Variants in GARIN1A observed in about 807,000 individuals in gnomAD.
GARIN1A encodes Golgi-associated RAB2 interactor protein 1A.
chr7:128,697,585 C>G, the GARIN1A span: 1 of 152,902 alleles, frequency 6.5e-6, no homozygotes, highest in Non-Finnish European at 1.5e-5. Flanking sequence ...CTCTCTTTCC[C>G]CCTTTTGTCG....
the GARIN1A span, among the ~76,000 whole-genome samples, chr7:128,678,351 A>G: frequency 6.6e-6 from 1 of 152,152 alleles, no homozygotes; most frequent in Non-Finnish European, 1.5e-5. Context: ...AATAATGCTA[A>G]AACAAGCATT....
the GARIN1A span, among the ~76,000 whole-genome samples, chr7:128,702,542 G>A: frequency 1.3e-5 from 2 of 152,044 alleles, no homozygotes; most frequent in South Asian, 4.2e-4. Context: ...TTATAAATAT[G>A]AGATATATGT....
chr7:128,703,908 C>T, the GARIN1A span, among the ~76,000 whole-genome samples: 9 of 152,184 alleles, frequency 5.9e-5, no homozygotes, highest in African/African-American at 2.2e-4. Flanking sequence ...AGAGGTGACT[C>T]GACGTTGGAG....
At chr7:128,698,996 T>C in the GARIN1A span, among the ~76,000 whole-genome samples, 6 of 152,310 alleles carry the variant, frequency 3.9e-5, no homozygotes, top group South Asian at 1.2e-3. Flanking sequence ...ACTTATTGAC[T>C]TCTCGTGAGG....
the GARIN1A span, chr7:128,683,621 C>T: frequency 6.6e-5 from 10 of 152,180 alleles, no homozygotes; most frequent in Admixed American, 1.3e-4. Flanking sequence ...CAGGCACACA[C>T]TACACCTGGC....
chr7:128,688,081 G>A, the GARIN1A span, among the ~76,000 whole-genome samples: 3 of 151,214 alleles, frequency 2.0e-5, no homozygotes, highest in Non-Finnish European at 4.4e-5. Flanking sequence ...CAGTGATCTC[G>A]GCTCACTGCA....
chr7:128,688,428 T>A, the GARIN1A span, among the ~76,000 whole-genome samples: 3 of 152,202 alleles, frequency 2.0e-5, no homozygotes, highest in African/African-American at 7.2e-5. Flanking sequence ...ATAACATACA[T>A]CACTGCAAAG....
At chr7:128,677,586 G>A in the GARIN1A span, 2 of 1,610,898 alleles carry the variant, frequency 1.2e-6, no homozygotes, top group African/African-American at 1.3e-5. Flanking sequence ...GAAGTACGTG[G>A]AGCTACGAAT....
chr7:128,684,614 C>CA, the GARIN1A span: 16,581 of 92,002 alleles, frequency 0.18, 1,599 homozygotes, highest in Non-Finnish European at 0.24. Flanking sequence ...GACTCCATCT[C>CA]AAAAAAAAAA....
chr7:128,707,281 G>A, the GARIN1A span, among the ~76,000 whole-genome samples: 11 of 150,786 alleles, frequency 7.3e-5, no homozygotes, highest in South Asian at 2.3e-3. Flanking sequence ...CTACCCTCTT[G>A]GGAAATTTTA....
chr7:128,681,501 CT>C, the GARIN1A span, among the ~76,000 whole-genome samples: 1 of 139,148 alleles, frequency 7.2e-6, no homozygotes, highest in Non-Finnish European at 1.5e-5. Context: ...CTCTCCTCTC[CT>C]TTCCTCTCCT....
the GARIN1A span, chr7:128,683,328 C>T: frequency 3.6e-6 from 2 of 555,406 alleles, no homozygotes; most frequent in South Asian, 2.8e-5. Flanking sequence ...CTAATTTTTG[C>T]AGGTTGGGCT....
chr7:128,675,827 A>C, the GARIN1A span: 1 of 1,613,024 alleles, frequency 6.2e-7, no homozygotes, highest in East Asian at 2.2e-5. Flanking sequence ...CCTGGAGCAC[A>C]CCTGGTGACG....
chr7:128,700,284 GTT>G, the GARIN1A span, among the ~76,000 whole-genome samples: 1 of 134,632 alleles, frequency 7.4e-6, no homozygotes. Flanking sequence ...TTTGTATTTT[GTT>G]TTTTTTTTTT....
chr7:128,671,730 G>A, the GARIN1A span, among the ~76,000 whole-genome samples: 17 of 151,398 alleles, frequency 1.1e-4, no homozygotes, highest in Admixed American at 7.2e-4. Context: ...ACCAGCTCTC[G>A]TGACCTGTTT....
chr7:128,677,541 G>A, the GARIN1A span: 1 of 1,518,634 alleles, frequency 6.6e-7, no homozygotes, highest in Non-Finnish European at 8.8e-7. Context: ...GCTCTCCCAT[G>A]GAAATGTCCT....
the GARIN1A span, among the ~76,000 whole-genome samples, chr7:128,694,639 A>G: frequency 2.6e-5 from 4 of 152,196 alleles, no homozygotes; most frequent in Non-Finnish European, 5.9e-5. Context: ...GGACAATTCT[A>G]TAAGGGGTAC....
chr7:128,699,262 C>CCT, the GARIN1A span, among the ~76,000 whole-genome samples: 1 of 16,514 alleles, frequency 6.1e-5, no homozygotes, highest in African/African-American at 2.8e-4. Flanking sequence ...TACCTGCTGC[C>CCT]CCCCCCCCCC....
chr7:128,694,832 T>C, the GARIN1A span, among the ~76,000 whole-genome samples: 16 of 152,218 alleles, frequency 1.1e-4, no homozygotes, highest in African/African-American at 3.9e-4. Context: ...GGCATAAATA[T>C]AGTCACTCAA....
Sources: allele counts gnomAD v4.1 joint callset (sites outside exome capture counted in the v4.1 genomes callset), GRCh38; gene constraint gnomAD v4.1.1; transcripts MANE v1.5; gene names NCBI Gene and HGNC (gene_info 2026-07-23, HGNC 2026-07-21).